SEMA6D: variants seen among roughly 807,000 people sequenced by gnomAD.
SEMA6D encodes the protein semaphorin 6D.
In SEMA6D, 35 loss-of-function variants were observed where a neutral mutation model predicts 106.6. The observed-to-expected ratio is 0.33, with a 90% CI of 0.25 to 0.44. The LOEUF (loss-of-function observed/expected upper bound fraction) is 0.44, where lower values mean the gene tolerates loss of function less well. SEMA6D is among the 20% of genes least tolerant of loss of function. SEMA6D has a pLI of 1.00. For synonymous variants in SEMA6D, 499 were observed against 487.7 expected (o/e 1.02, Z -0.31); for missense variants, 1,185 against 1,345.9 (o/e 0.88, Z 1.87).
At chr15:47,440,794 G>A (rs993401807) in intron 2 of SEMA6D, among the ~76,000 whole-genome samples, 1 of 152,024 alleles carries the variant, frequency 6.6e-6, no homozygotes, top group African/African-American at 2.4e-5. Context: ...GGACATGAAG[G>A]CAATTTAGAA....
chr15:47,469,092 A>G (rs559348686), intron 2 of SEMA6D, among the ~76,000 whole-genome samples: 6 of 152,300 alleles, frequency 3.9e-5, no homozygotes, highest in African/African-American at 1.2e-4. Context: ...TGGCATAGTG[A>G]GTAGTGGGAG....
At chr15:47,260,800 T>C (rs1244294600) in intron 1 of SEMA6D, among the ~76,000 whole-genome samples, 1 of 152,150 alleles carries the variant, frequency 6.6e-6, no homozygotes, top group Non-Finnish European at 1.5e-5. Flanking sequence ...CTTGGACACT[T>C]ATCAGTAGCA....
chr15:47,359,690 G>C (rs994474859), intron 1 of SEMA6D: 3 of 152,058 alleles, frequency 2.0e-5, no homozygotes, highest in Non-Finnish European at 2.9e-5. Flanking sequence ...GTAGAAAAAA[G>C]AGAAAGCAAA....
chr15:47,410,549 A>G (rs1234792015), intron 1 of SEMA6D, among the ~76,000 whole-genome samples: 1 of 152,202 alleles, frequency 6.6e-6, no homozygotes, highest in Non-Finnish European at 1.5e-5. Flanking sequence ...AGATAATACA[A>G]GGGGCTGGCT....
chr15:47,297,785 C>A (rs1204195428), intron 1 of SEMA6D, among the ~76,000 whole-genome samples: 1 of 152,068 alleles, frequency 6.6e-6, no homozygotes, highest in Non-Finnish European at 1.5e-5. Flanking sequence ...ATCAAGGGAG[C>A]TGCTCTATGA....
At chr15:47,569,802 T>C (rs2046330151) in intron 3 of SEMA6D, among the ~76,000 whole-genome samples, 1 of 152,202 alleles carries the variant, frequency 6.6e-6, no homozygotes, top group African/African-American at 2.4e-5. Context: ...GGCTTACACC[T>C]GTAATCCCAG....
At chr15:47,546,738 G>T (rs987724190) in intron 3 of SEMA6D, among the ~76,000 whole-genome samples, 18 of 151,412 alleles carry the variant, frequency 1.2e-4, no homozygotes, top group African/African-American at 4.1e-4. Context: ...GTGTATCTCG[G>T]TGGACACAAC....
intron 4 of SEMA6D, among the ~76,000 whole-genome samples, chr15:47,658,707 ATTAG>A (rs1445912828): frequency 3.3e-5 from 5 of 152,176 alleles, no homozygotes; most frequent in African/African-American, 4.8e-5. Flanking sequence ...TGTTCATCAC[ATTAG>A]TTAGTCACAA....
At chr15:47,283,315 C>T (rs527733606) in intron 1 of SEMA6D, among the ~76,000 whole-genome samples, 2 of 152,288 alleles carry the variant, frequency 1.3e-5, no homozygotes, top group South Asian at 2.1e-4. Context: ...AGCACATGCC[C>T]TATCCTGAAT....
intron 1 of SEMA6D, among the ~76,000 whole-genome samples, chr15:47,186,448 A>G (rs1336931892): frequency 6.6e-6 from 1 of 152,186 alleles, no homozygotes; most frequent in Non-Finnish European, 1.5e-5. Context: ...TGTATGTGGA[A>G]AAGTGTATTT....
intron 3 of SEMA6D, among the ~76,000 whole-genome samples, chr15:47,479,865 CTTTTTT>C (rs887943372): frequency 9.5e-5 from 12 of 126,162 alleles, no homozygotes; most frequent in African/African-American, 3.8e-4. Context: ...TCTTATCATT[CTTTTTT>C]TTTTTTTTTT....
At chr15:47,336,567 G>A (rs891522389) in intron 1 of SEMA6D, among the ~76,000 whole-genome samples, 1 of 152,136 alleles carries the variant, frequency 6.6e-6, no homozygotes, top group African/African-American at 2.4e-5. Flanking sequence ...ATGATCGAAG[G>A]ACACTGAAAC....
chr15:47,305,578 T>A (rs1156975199), intron 1 of SEMA6D, among the ~76,000 whole-genome samples: 1 of 152,210 alleles, frequency 6.6e-6, no homozygotes, highest in Non-Finnish European at 1.5e-5. Flanking sequence ...GCTTGTTTTG[T>A]CTCATCTAAA....
At chr15:47,453,126 C>G (rs548770883) in intron 2 of SEMA6D, among the ~76,000 whole-genome samples, 1 of 151,862 alleles carries the variant, frequency 6.6e-6, no homozygotes, top group Non-Finnish European at 1.5e-5. Context: ...GCTTTCTCAA[C>G]TTTGTTCAGA....
intron 1 of SEMA6D, among the ~76,000 whole-genome samples, chr15:47,751,600 A>C (rs760680916): frequency 6.6e-6 from 1 of 151,990 alleles, no homozygotes; most frequent in Admixed American, 6.6e-5. Context: ...GAAAAAGTCC[A>C]TGCTCTTGGG....
intron 1 of SEMA6D, among the ~76,000 whole-genome samples, chr15:47,282,430 T>G (rs971537365): frequency 6.6e-6 from 1 of 152,150 alleles, no homozygotes; most frequent in African/African-American, 2.4e-5. Context: ...CAGTATCCTA[T>G]TATATTTTAA....
intron 3 of SEMA6D, among the ~76,000 whole-genome samples, chr15:47,535,170 CAG>C (rs1361309193): frequency 2.0e-5 from 3 of 151,522 alleles, no homozygotes; most frequent in African/African-American, 7.3e-5. Context: ...AAATTAGCAA[CAG>C]AGTCTGAGAA....
chr15:47,465,142 C>T (rs1359682967), intron 2 of SEMA6D, among the ~76,000 whole-genome samples: 2 of 152,188 alleles, frequency 1.3e-5, no homozygotes, highest in African/African-American at 2.4e-5. Context: ...ACAAGATCGT[C>T]TTCTGTCTTG....
At chr15:47,197,319 TTTTAAG>T in intron 1 of SEMA6D, among the ~76,000 whole-genome samples, 1 of 152,222 alleles carries the variant, frequency 6.6e-6, no homozygotes, top group Non-Finnish European at 1.5e-5. Flanking sequence ...GTGCCAACAC[TTTTAAG>T]TTTTCACAGG....
Sources: allele counts gnomAD v4.1 joint callset (sites outside exome capture counted in the v4.1 genomes callset), GRCh38; gene constraint gnomAD v4.1.1; transcripts MANE v1.5; gene names NCBI Gene and HGNC (gene_info 2026-07-23, HGNC 2026-07-21).